GUCY1A2: variants seen among roughly 807,000 people sequenced by gnomAD.
The protein encoded by GUCY1A2 is guanylate cyclase soluble subunit alpha-2.
In GUCY1A2, 27 loss-of-function variants were observed where a neutral mutation model predicts 63.5. That is an observed-to-expected ratio of 0.43 (90% CI 0.31 to 0.59). The LOEUF (loss-of-function observed/expected upper bound fraction) is 0.59. Ranked by LOEUF, GUCY1A2 falls within the 20% of genes least tolerant of loss-of-function variation. The pLI is 0.11. For synonymous variants in GUCY1A2, 364 were observed against 343.5 expected, an observed-to-expected ratio of 1.06 and a Z score of -0.66; for missense variants, 768 against 913.3, an observed-to-expected ratio of 0.84 and a Z score of 2.05.
At chr11:106,937,623 A>G (rs1391061839) in intron 4 of GUCY1A2, among the ~76,000 whole-genome samples, 2 of 152,172 alleles carry the variant, frequency 1.3e-5, no homozygotes, top group Non-Finnish European at 2.9e-5. Context: ...AGAAAGAATA[A>G]CTCGTTTTAA....
rs141217913 is a variant in GUCY1A2, at chr11:106,725,936, C to T, written c.1837-17270G>A. ...CAGTACTCTGGGGGCAGGGAGAGGACGAGGAAAAGTAGATCTTACCCATTG... is the reference window on the plus strand; with the variant it reads ...CAGTACTCTGGGGGCAGGGAGAGGATGAGGAAAAGTAGATCTTACCCATTG... On this transcript the variant is annotated intron_variant, in intron 6 of 7. Coordinates refer to ENST00000526355, the MANE Select transcript of GUCY1A2 (RefSeq NM_000855.3). 6.3e-3 allele frequency among the ~76,000 whole-genome samples: 954 copies of T among 151,662 alleles called. 10 individuals carry two copies. Among genetic ancestry groups the T allele is most frequent in the African/African-American group, 0.021 (863 of 41,316 alleles).
intron 4 of GUCY1A2, among the ~76,000 whole-genome samples, chr11:106,819,647 C>T (rs943077008): frequency 6.6e-6 from 1 of 152,068 alleles, no homozygotes; most frequent in African/African-American, 2.4e-5. Context: ...ACTTAATGGA[C>T]TACAGTATAG....
rs1860729333 is a variant in GUCY1A2 at position 106,939,871 on chromosome 11, A to T, written c.795T>A (p.Asp265Glu). 1 of 1,614,064 alleles carries T rather than the reference A, an allele frequency of 6.2e-7. No homozygotes were observed. Among genetic ancestry groups the T allele is most frequent in the Non-Finnish European group, 8.5e-7 (1 of 1,180,022 alleles). The change falls in exon 4 of 8, where the codon GAT becomes GAA. Residue 265 changes from aspartate (D) to glutamate (E), a missense_variant. Coordinates refer to ENST00000526355, the MANE Select transcript of GUCY1A2 (RefSeq NM_000855.3). ...CATTTGCAACCTGTTCCACTTCCAC[A>T]TCCAGCCGATAGATCTTCTTTCCTG... The part of the protein sequence containing the change: ...KAAGKKIYRL[D>E]VEVEQVANEK...
chr11:106,780,926 G>T (rs144396549), intron 5 of GUCY1A2, among the ~76,000 whole-genome samples: 369 of 151,972 alleles, frequency 2.4e-3, no homozygotes, highest in African/African-American at 8.6e-3. Context: ...CTCTAAGGCA[G>T]CTCTATACAA....
chr11:106,794,497 T>TACAC (rs10560155), intron 5 of GUCY1A2, among the ~76,000 whole-genome samples: 1 of 150,126 alleles, frequency 6.7e-6, no homozygotes, highest in African/African-American at 2.4e-5. Context: ...ATGTCCTCAC[T>TACAC]ACACACACAC....
chr11:106,828,416 G>A (rs1197280436), intron 4 of GUCY1A2, among the ~76,000 whole-genome samples: 2 of 151,916 alleles, frequency 1.3e-5, no homozygotes, highest in African/African-American at 2.4e-5. Flanking sequence ...TTATGTGTAT[G>A]GCTAGCCAAT....
chr11:106,960,049 A>T (rs1455700680), intron 3 of GUCY1A2, among the ~76,000 whole-genome samples: 2 of 152,184 alleles, frequency 1.3e-5, no homozygotes, highest in Admixed American at 6.5e-5. Context: ...ATGCTGTAGC[A>T]TAATCTTTCC....
Position 106,676,117 on chromosome 11 carries a change from C to A in GUCY1A2, c.*11432G>T. ...AAGTGGTTTGAATATAATCTTAATA[C>A]ATAAAAATAAAAAACCAGAAAGAAT... On this transcript the variant is annotated 3_prime_UTR_variant, in exon 8 of 8. Transcript: ENST00000526355. The A allele has an allele frequency of 5.5e-6, 1 of 180,276 alleles. No homozygotes were observed. Among genetic ancestry groups the A allele is most frequent in the Non-Finnish European group, 1.2e-5 (1 of 84,338 alleles). 11.2% of individuals were successfully genotyped at this position (180,276 alleles called of 1,614,324 possible). A position where few individuals can be genotyped will look rare whatever the true frequency, so the allele number is the denominator to read the frequency against.
chr11:106,990,647 T>C (rs1861459517), intron 1 of GUCY1A2, among the ~76,000 whole-genome samples: 1 of 152,224 alleles, frequency 6.6e-6, no homozygotes. Flanking sequence ...ACAAAATACA[T>C]GTATGTCTCA....
chr11:106,792,426 A>G (rs1479189295), intron 5 of GUCY1A2, among the ~76,000 whole-genome samples: 1 of 151,470 alleles, frequency 6.6e-6, no homozygotes, highest in African/African-American at 2.4e-5. Flanking sequence ...ATCATCAAGT[A>G]GGCATTATCC....
rs532004440 is a variant in GUCY1A2, at chr11:106,699,247, C to G, written c.1991+9265G>C. 1.2e-4 allele frequency among the ~76,000 whole-genome samples: 18 copies of G among 152,218 alleles called. No individual in the cohort carries two copies. The South Asian group carries it at 2.5e-3, about 21-fold the overall frequency. On this transcript the variant is annotated intron_variant, in intron 7 of 7. Transcript: ENST00000526355. ...AAAATAAATATTGACCTCCAGGCCA[C>G]TAGAAATGGTGCCATTTTTAATGGA...
intron 4 of GUCY1A2, among the ~76,000 whole-genome samples, chr11:106,871,638 A>G (rs1293452118): frequency 2.6e-5 from 4 of 152,194 alleles, no homozygotes; most frequent in Non-Finnish European, 5.9e-5. Context: ...TCATTTGATT[A>G]TAACTGCCAA....
At chr11:106,699,097 A>T (rs1862773007) in intron 7 of GUCY1A2, among the ~76,000 whole-genome samples, 1 of 152,180 alleles carries the variant, frequency 6.6e-6, no homozygotes, top group Non-Finnish European at 1.5e-5. Flanking sequence ...GTTAGATATT[A>T]CTTGAATTGT....
intron 4 of GUCY1A2, among the ~76,000 whole-genome samples, chr11:106,846,501 A>G (rs1859275490): frequency 6.6e-6 from 1 of 151,644 alleles, no homozygotes; most frequent in Non-Finnish European, 1.5e-5. Context: ...GACACACTAA[A>G]TGAGGGTTAA....
At chr11:106,993,557 T>G (rs1336318504) in intron 1 of GUCY1A2, among the ~76,000 whole-genome samples, 5 of 152,032 alleles carry the variant, frequency 3.3e-5, no homozygotes, top group African/African-American at 1.2e-4. Flanking sequence ...GACTGCAAAT[T>G]AAATATAGAA....
chr11:107,010,595 A>G (rs1352194732), intron 1 of GUCY1A2, among the ~76,000 whole-genome samples: 1 of 152,232 alleles, frequency 6.6e-6, no homozygotes, highest in Non-Finnish European at 1.5e-5. Flanking sequence ...GAATATGTCT[A>G]TCACAGGCTG....
chr11:106,907,761 T>G (rs1848984249), intron 4 of GUCY1A2, among the ~76,000 whole-genome samples: 1 of 152,138 alleles, frequency 6.6e-6, no homozygotes, highest in Non-Finnish European at 1.5e-5. Context: ...CTGCATAGTA[T>G]TCCATGGTGT....
At chr11:106,866,878 T>A (rs1243658800) in intron 4 of GUCY1A2, among the ~76,000 whole-genome samples, 1 of 152,066 alleles carries the variant, frequency 6.6e-6, no homozygotes, top group Non-Finnish European at 1.5e-5. Context: ...TTGCCATTAG[T>A]TGATACTAGT....
At chr11:106,763,702 A>G (rs1864109041) in intron 6 of GUCY1A2, among the ~76,000 whole-genome samples, 1 of 152,036 alleles carries the variant, frequency 6.6e-6, no homozygotes, top group South Asian at 2.1e-4. Flanking sequence ...GCCAAGAAAA[A>G]AAGCAGATTA....
Sources: gnomAD v4.1 joint callset for allele counts (sites outside exome capture counted in the v4.1 genomes callset) on GRCh38, gnomAD v4.1.1 for gene constraint, MANE v1.5 for transcripts, NCBI Gene and HGNC (gene_info 2026-07-23, HGNC 2026-07-21) for gene names.